INPP4B: variants seen among roughly 807,000 people sequenced by gnomAD.
INPP4B encodes the protein inositol polyphosphate-4-phosphatase type II B.
A neutral mutation model predicts 122.5 loss-of-function variants in INPP4B; 55 were observed. That is an observed-to-expected ratio of 0.45 (90% CI 0.36 to 0.56). INPP4B has a LOEUF of 0.56. Ranked by LOEUF, INPP4B falls within the 20% of genes least tolerant of loss-of-function variation. The pLI is 0.00. For synonymous variants in INPP4B, 403 were observed against 388.7 expected (o/e 1.04, Z -0.43); for missense variants, 1,000 against 1,097.7 (o/e 0.91, Z 1.26).
At chr4:142,044,200 G>A (rs1284016089) in intron 25 of INPP4B, among the ~76,000 whole-genome samples, 4 of 152,134 alleles carry the variant, frequency 2.6e-5, no homozygotes, top group African/African-American at 9.7e-5. Flanking sequence ...GAGGTTTGGA[G>A]AGGATCTATG....
chr4:142,685,308 GA>G (rs1759187957), intron 2 of INPP4B, among the ~76,000 whole-genome samples: 1 of 113,900 alleles, frequency 8.8e-6, no homozygotes, highest in Non-Finnish European at 2.1e-5. Flanking sequence ...GTTGACTGAA[GA>G]GAGGAGAAAA....
At chr4:142,467,050 A>T (rs1404772134) in intron 2 of INPP4B, among the ~76,000 whole-genome samples, 1 of 152,216 alleles carries the variant, frequency 6.6e-6, no homozygotes, top group African/African-American at 2.4e-5. Context: ...CCCAAGTAGA[A>T]GCCTATCACC....
At chr4:142,259,173 G>A (rs1684768068) in intron 11 of INPP4B, among the ~76,000 whole-genome samples, 1 of 129,628 alleles carries the variant, frequency 7.7e-6, no homozygotes, top group Admixed American at 9.1e-5. Flanking sequence ...ATGGACACAG[G>A]AAGGGGAATA....
chr4:142,187,786 G>C (rs938009584), intron 15 of INPP4B, among the ~76,000 whole-genome samples: 1 of 152,056 alleles, frequency 6.6e-6, no homozygotes, highest in Non-Finnish European at 1.5e-5. Context: ...TGTAGAGACA[G>C]GGTTTTGCGA....
intron 23 of INPP4B, among the ~76,000 whole-genome samples, chr4:142,107,317 A>C (rs1331775159): frequency 6.6e-6 from 1 of 152,220 alleles, no homozygotes; most frequent in African/African-American, 2.4e-5. Flanking sequence ...TACAGAACAA[A>C]TAGTAACGAG....
chr4:142,733,154 T>A (rs932264906), intron 1 of INPP4B, among the ~76,000 whole-genome samples: 3 of 152,130 alleles, frequency 2.0e-5, no homozygotes, highest in Admixed American at 2.0e-4. Context: ...CTCCTACATA[T>A]ACAAAAATCA....
At chr4:142,194,814 A>T (rs185397010) in intron 14 of INPP4B, among the ~76,000 whole-genome samples, 16 of 152,304 alleles carry the variant, frequency 1.1e-4, no homozygotes, top group African/African-American at 3.6e-4. Flanking sequence ...TATAAATTGT[A>T]GTTGAAAGTA....
chr4:142,397,769 G>C (rs905302755), intron 7 of INPP4B, among the ~76,000 whole-genome samples: 1 of 152,010 alleles, frequency 6.6e-6, no homozygotes, highest in Non-Finnish European at 1.5e-5. Flanking sequence ...AACCTGGGAG[G>C]TGGAGGTTGC....
chr4:142,173,718 C>T lies in INPP4B; in HGVS notation c.1273G>A (p.Ala425Thr). ...SNINQLQPLIATHADLLLNSA... is the reference protein window; with the variant it reads ...SNINQLQPLITTHADLLLNSA... The stretch of plus-strand genomic sequence containing the variant: ...TTAAGCAGTAGGTCTGCATGGGTTG[C>T]TATAAGAGGTTGTAGTTGATTGATG... Residue 425 changes from alanine (A) to threonine (T), a missense_variant, in exon 16 of 26, where the codon GCA becomes ACA. Coordinates refer to ENST00000262992, the MANE Select transcript of INPP4B (RefSeq NM_001101669.3). The T allele has an allele frequency of 1.2e-6, 2 of 1,613,312 alleles. No homozygotes were observed. The highest frequency in any genetic ancestry group is 1.7e-6 in the Non-Finnish European group (2 of 1,179,498).
chr4:142,411,815 C>T (rs907693274), intron 5 of INPP4B, among the ~76,000 whole-genome samples: 1 of 152,108 alleles, frequency 6.6e-6, no homozygotes, highest in African/African-American at 2.4e-5. Flanking sequence ...TCACTTGAAC[C>T]AGGGAGGCAG....
chr4:142,463,156 G>C (rs1817059056), intron 2 of INPP4B, among the ~76,000 whole-genome samples: 1 of 152,244 alleles, frequency 6.6e-6, no homozygotes, highest in Non-Finnish European at 1.5e-5. Context: ...GAAAACCTCT[G>C]AACTCCTGGA....
At chr4:142,069,313 T>C (rs1387430260) in intron 25 of INPP4B, among the ~76,000 whole-genome samples, 2 of 152,106 alleles carry the variant, frequency 1.3e-5, no homozygotes, top group South Asian at 2.1e-4. Flanking sequence ...TACCAGAATC[T>C]CTGGGACACA....
At chr4:142,412,671 A>G (rs1579989847) in intron 5 of INPP4B, among the ~76,000 whole-genome samples, 1 of 152,050 alleles carries the variant, frequency 6.6e-6, no homozygotes, top group Non-Finnish European at 1.5e-5. Context: ...ATATCCTCCC[A>G]TCTTTCTTCT....
At chr4:142,565,985 T>C (rs1002245952) in intron 2 of INPP4B, 1 of 152,132 alleles carries the variant, frequency 6.6e-6, no homozygotes, top group Admixed American at 6.6e-5. Context: ...CACTCATATG[T>C]GTTAGAGGCA....
intron 17 of INPP4B, among the ~76,000 whole-genome samples, chr4:142,159,236 A>T (rs965236604): frequency 8.9e-5 from 13 of 146,632 alleles, no homozygotes; most frequent in Non-Finnish European, 1.8e-4. Flanking sequence ...TTCAGAGGTT[A>T]AGAGGTGTGT....
At chr4:142,397,642 T>C (rs1180791650) in intron 7 of INPP4B, among the ~76,000 whole-genome samples, 1 of 151,542 alleles carries the variant, frequency 6.6e-6, no homozygotes, top group Non-Finnish European at 1.5e-5. Flanking sequence ...GATGAGACCA[T>C]CCTGGCCAAC....
At chr4:142,256,810 G>A (rs1330738414) in intron 11 of INPP4B, among the ~76,000 whole-genome samples, 5 of 152,074 alleles carry the variant, frequency 3.3e-5, no homozygotes, top group East Asian at 1.9e-4. Flanking sequence ...TTCTGAAACT[G>A]TTCCAATCAA....
At chr4:142,365,697 G>C (rs1226919932) in intron 7 of INPP4B, among the ~76,000 whole-genome samples, 2 of 152,126 alleles carry the variant, frequency 1.3e-5, no homozygotes, top group Non-Finnish European at 2.9e-5. Context: ...CCAAGATTCA[G>C]TGAGGCTTAA....
intron 1 of INPP4B, among the ~76,000 whole-genome samples, chr4:142,745,984 G>GA (rs1177770763): frequency 6.6e-6 from 1 of 151,712 alleles, no homozygotes; most frequent in Non-Finnish European, 1.5e-5. Context: ...CATTGTTGAA[G>GA]GTCTGTAATA....
Sources: gnomAD v4.1 joint callset for allele counts (sites outside exome capture counted in the v4.1 genomes callset) on GRCh38, gnomAD v4.1.1 for gene constraint, MANE v1.5 for transcripts, NCBI Gene and HGNC (gene_info 2026-07-23, HGNC 2026-07-21) for gene names.